Variants in CCNK observed in about 807,000 individuals in gnomAD.
CCNK encodes the protein cyclin K, also known as cyclin-K.
Under a neutral mutation model 65.0 loss-of-function variants are expected in CCNK, and 9 were observed. The ratio of observed to expected loss-of-function variants is 0.14; its 90% CI spans 0.08 to 0.24. The LOEUF (loss-of-function observed/expected upper bound fraction) is 0.24. CCNK is among the 10% of genes least tolerant of loss of function. CCNK has a pLI of 1.00. For synonymous variants in CCNK, 279 were observed against 270.8 expected, an observed-to-expected ratio of 1.03 and a Z score of -0.30; for missense variants, 474 against 720.0, an observed-to-expected ratio of 0.66 and a Z score of 3.91.
intron 9 of CCNK, 157 bp downstream of exon 9, chr14:99,503,801 T>C (rs1896903333): frequency 9.6e-6 from 6 of 623,792 alleles, no homozygotes; most frequent in Non-Finnish European, 1.7e-5. Flanking sequence ...TTTCTGTTCA[T>C]CACCTGATCA....
intron 9 of CCNK, 44 bp downstream of exon 9, chr14:99,503,688 T>C: frequency 6.8e-7 from 1 of 1,475,586 alleles, no homozygotes; most frequent in Non-Finnish European, 9.2e-7. Context: ...TGTGTTTATA[T>C]GCAAAACTTT....
intron 9 of CCNK, chr14:99,505,757 T>G (rs1236709599): frequency 3.9e-5 from 6 of 152,198 alleles, no homozygotes; most frequent in Non-Finnish European, 8.8e-5. Context: ...CTTGGGAGAC[T>G]CAGGCAGCAA....
At chr14:99,481,617 A>G (rs920522404) in intron 1 of CCNK, 138 bp downstream of exon 1, 5 of 392,514 alleles carry the variant, frequency 1.3e-5, no homozygotes, top group African/African-American at 6.2e-5. Context: ...AACCTCCGGT[A>G]CACATTGAAC....
rs1305820109 is a variant in CCNK, at chr14:99,495,628, AGG to A, written c.411_411+1del. The A allele has an allele frequency of 1.2e-6, 2 of 1,604,078 alleles. No homozygotes were observed. Among genetic ancestry groups the A allele is most frequent in the Non-Finnish European group, 1.7e-6 (2 of 1,176,468 alleles). ...TTTGGCCAGTTTGGAGATGACCCAA[AGG>A]TAAGAATGATAATAACTTCCTGCCT... On this transcript the variant is annotated splice_donor_variant and coding_sequence_variant, in exon 4 of 11. Coordinates refer to ENST00000389879, the MANE Select transcript of CCNK (RefSeq NM_001099402.2). LOFTEE classifies it high-confidence loss of function.
rs765303348 is a variant in CCNK, at chr14:99,503,663, GTTTT to G, written c.1045+23_1045+26del. 1.3e-6 allele frequency: 2 copies of G among 1,547,708 alleles called. No individual in the cohort carries two copies. Among genetic ancestry groups the G allele is most frequent in the African/African-American group, 2.7e-5 (2 of 73,210 alleles). ...GCAGCAGGTAATTTCCTGTTCTGATGTTTTTTTAGTTTTATGTGTTTATATGCAA... is the reference window on the plus strand; with the variant it reads ...GCAGCAGGTAATTTCCTGTTCTGATGTTTAGTTTTATGTGTTTATATGCAA... On this transcript the variant is annotated intron_variant, in intron 9 of 10. Transcript: ENST00000389879.
rs750853717 is a variant in CCNK, at chr14:99,510,829, C to T, written c.*47C>T. ...TGTTTTTTTAACAAGATTTTCTAAT[C>T]GACTTGCAGAGTAGTTGAAGTGGGT... is the stretch of plus-strand genomic sequence containing the variant. On this transcript the variant is annotated 3_prime_UTR_variant, in exon 11 of 11. Transcript: ENST00000389879. The T allele has an allele frequency of 9.8e-5, 135 of 1,375,656 alleles. No homozygotes were observed. Among genetic ancestry groups the T allele is most frequent in the Non-Finnish European group, 1.2e-4 (130 of 1,060,444 alleles). The allele number at this position is 1,375,656 out of a possible 1,614,324, so 85.2% of individuals were successfully genotyped here.
intron 10 of CCNK, chr14:99,509,205 T>C (rs909423587): frequency 2.0e-5 from 3 of 152,308 alleles, no homozygotes; most frequent in African/African-American, 7.2e-5. Context: ...GTCCTCTCTA[T>C]GTTCTCTGGA....
At chr14:99,482,081 G>GT (rs1896349896) in intron 1 of CCNK, among the ~76,000 whole-genome samples, 1 of 152,186 alleles carries the variant, frequency 6.6e-6, no homozygotes, top group African/African-American at 2.4e-5. Flanking sequence ...AAATTGGAGC[G>GT]TAAGTCTAGA....
intron 5 of CCNK, 172 bp from the exon 6 acceptor site, chr14:99,501,183 GA>G: frequency 3.2e-6 from 2 of 618,890 alleles, no homozygotes; most frequent in Non-Finnish European, 5.7e-6. Flanking sequence ...AGGTCATGAG[GA>G]GGAAGAAGGG....
chr14:99,503,171 CTG>C, intron 8 of CCNK, 187 bp downstream of exon 8: 1 of 741,994 alleles, frequency 1.3e-6, no homozygotes, highest in South Asian at 1.5e-5. Context: ...CAGGCTGCCT[CTG>C]AGAACCAGGA....
chr14:99,493,320 G>A lies in CCNK; in HGVS notation c.198-194G>A, dbSNP rs557985642. 4.6e-5 allele frequency among the ~76,000 whole-genome samples: 7 copies of A among 152,228 alleles called. No homozygotes were observed. In the East Asian group the frequency reaches 9.6e-4, roughly 21 times the overall value. Reference sequence around the variant, plus strand: ...GAAGTGTTTCTAAAGGGTGTTAAAAGTATAAAACTTCAGCTTGCTAATTCT... The same window carrying A: ...GAAGTGTTTCTAAAGGGTGTTAAAAATATAAAACTTCAGCTTGCTAATTCT... On this transcript the variant is annotated intron_variant, in intron 2 of 10. Transcript: ENST00000389879.
chr14:99,490,727 A>G (rs1288700386), intron 1 of CCNK, among the ~76,000 whole-genome samples: 12 of 152,106 alleles, frequency 7.9e-5, no homozygotes, highest in African/African-American at 2.4e-5. Context: ...GGAGCTCCAG[A>G]CCATCCCGGC....
chr14:99,487,248 A>G (rs949171542), intron 1 of CCNK, among the ~76,000 whole-genome samples: 1 of 152,226 alleles, frequency 6.6e-6, no homozygotes, highest in Admixed American at 6.5e-5. Context: ...TAGAATGTAT[A>G]GATAAAGTGT....
rs139759844 is a variant in CCNK at position 99,502,144 on chromosome 14, G to A, written c.576-63G>A. The stretch of plus-strand genomic sequence containing the variant: ...TAATGGTTAGTTATGGCATCTCCAT[G>A]CACTGGTTTAATCATAAATATTAGA... On this transcript the variant is annotated intron_variant, in intron 6 of 10. Coordinates refer to ENST00000389879, the MANE Select transcript of CCNK (RefSeq NM_001099402.2). 1.2e-5 allele frequency: 18 copies of A among 1,487,210 alleles called. No homozygotes were observed. The African/African-American group carries it at 2.3e-4, about 19-fold the overall frequency. 92.1% of individuals were successfully genotyped at this position (1,487,210 alleles called of 1,614,324 possible).
intron 1 of CCNK, among the ~76,000 whole-genome samples, chr14:99,489,839 A>G (rs1248937699): frequency 6.6e-6 from 1 of 152,242 alleles, no homozygotes; most frequent in Non-Finnish European, 1.5e-5. Context: ...ATAAATAATG[A>G]TAGTATTGGA....
chr14:99,493,799 T>A (rs1358524784), intron 3 of CCNK, among the ~76,000 whole-genome samples: 2 of 152,356 alleles, frequency 1.3e-5, no homozygotes, highest in African/African-American at 4.8e-5. Flanking sequence ...TAGGCCAATA[T>A]GGACCATAGT....
Position 99,510,654 on chromosome 14 carries a change from G to C in CCNK, c.1615G>C (p.Gly539Arg). 7.1e-7 allele frequency: 1 copy of C among 1,403,566 alleles called. No homozygotes were observed. Among genetic ancestry groups the C allele is most frequent in the Non-Finnish European group, 9.3e-7 (1 of 1,079,738 alleles). 86.9% of individuals were successfully genotyped at this position (1,403,566 alleles called of 1,614,324 possible). The stretch of plus-strand genomic sequence containing the variant: ...CCCCCCTCATCCTCCTCCAGGGTTG[G>C]GCCTGCCGCCAGCCAGCTACCCACC... ...AVPPHPPPGL[G>R]LPPASYPPPA... is the part of the protein sequence containing the mutation. Residue 539 changes from glycine to arginine, a missense_variant, in exon 11 of 11, where the codon GGC (glycine) becomes CGC (arginine). Gly to Arg is a moderately radical substitution (Grantham distance 125). Transcript: ENST00000389879.
At chr14:99,495,101 G>A (rs549099826) in intron 3 of CCNK, 9 of 163,996 alleles carry the variant, frequency 5.5e-5, no homozygotes, top group African/African-American at 2.2e-4. Context: ...GGAAAAGGAA[G>A]CATGGGCAGT....
chr14:99,503,102 G>A (rs1739968082), intron 8 of CCNK, 118 bp downstream of exon 8: 23 of 1,151,328 alleles, frequency 2.0e-5, no homozygotes, highest in Non-Finnish European at 2.7e-5. Flanking sequence ...GGTGTTCGCC[G>A]AAACTCGCAG....
Sources: gnomAD v4.1 joint callset for allele counts (sites outside exome capture counted in the v4.1 genomes callset) on GRCh38, gnomAD v4.1.1 for gene constraint, MANE v1.5 for transcripts, NCBI Gene and HGNC (gene_info 2026-07-23, HGNC 2026-07-21) for gene names.